Variants in RANGAP1 observed in about 807,000 individuals in gnomAD.
The protein encoded by RANGAP1 is ran GTPase-activating protein 1.
RANGAP1 carries 38 observed loss-of-function variants against 63.5 expected under a neutral mutation model. The ratio of observed to expected loss-of-function variants is 0.60; its 90% CI spans 0.46 to 0.78. The LOEUF is 0.78. Among genes scored for constraint, RANGAP1 ranks in the 30% least tolerant of loss-of-function variants. The pLI is 0.00. For missense variants in RANGAP1, 630 were observed against 740.3 expected (o/e 0.85, Z 1.73); for synonymous variants, 329 against 310.5 (o/e 1.06, Z -0.63).
Position 41,257,852 on chromosome 22 carries a change from A to C in RANGAP1, c.774+96T>G. 19 of 1,393,812 alleles carry C rather than the reference A, an allele frequency of 1.4e-5. No individual in the cohort carries two copies. The South Asian group carries it at 2.6e-4, about 19-fold the overall frequency. The allele number at this position is 1,393,812 out of a possible 1,614,324, so 86.3% of individuals were successfully genotyped here. Reference sequence around the variant, plus strand: ...CACCCAGGGGGCAGGCAGGGGGTAGAGGAGTCCCTGCTAAACGGAGCCCCA... The same window carrying C: ...CACCCAGGGGGCAGGCAGGGGGTAGCGGAGTCCCTGCTAAACGGAGCCCCA... On this transcript the variant is annotated intron_variant, in intron 7 of 15. Coordinates refer to ENST00000356244, the MANE Select transcript of RANGAP1 (RefSeq NM_002883.4). This position sits in a 1 kb window ranked among gnomAD's most constrained non-coding sequence, Gnocchi z 4.0.
At chr22:41,285,428 G>C in intron 1 of RANGAP1, 1 of 870,080 alleles carries the variant, frequency 1.1e-6, no homozygotes, top group Non-Finnish European at 1.4e-6. Flanking sequence ...CAAAGGATCA[G>C]CGCCAGAGCA....
upstream of RANGAP1, among the ~76,000 whole-genome samples, chr22:41,286,747 G>T (rs1402289316): frequency 6.6e-6 from 1 of 152,184 alleles, no homozygotes; most frequent in African/African-American, 2.4e-5. Flanking sequence ...CACTTGAACG[G>T]CCACGTTAAC....
chr22:41,257,963 G>C lies in RANGAP1; in HGVS notation c.759C>G (p.Ala253=), dbSNP rs768060599. The C allele has an allele frequency of 1.2e-6, 2 of 1,607,754 alleles. No individual in the cohort carries two copies. Among genetic ancestry groups the C allele is most frequent in the Admixed American group, 1.7e-5 (1 of 59,630 alleles). ...CTCGCCTCACCTCGGCCATGGCCAC[G>C]GCGCCCTTCTCAGTGAAGGTGTTGT... is the stretch of plus-strand genomic sequence containing the variant. ...LNDNTFTEKG[A]VAMAETLKTL... Residue 253 remains alanine (A), a synonymous_variant, in exon 7 of 16, where the codon GCC becomes GCG. Transcript: ENST00000356244. The surrounding 1 kb of genome is among the most constrained non-coding windows in gnomAD (Gnocchi z 4.0).
chr22:41,256,589 C>A, intron 8 of RANGAP1, 122 bp downstream of exon 8: 1 of 828,502 alleles, frequency 1.2e-6, no homozygotes, highest in Non-Finnish European at 1.9e-6. Flanking sequence ...TCACAGGGCC[C>A]GAAGTGGAGG....
At position 41,274,584 on chromosome 22, in the gene RANGAP1, G is replaced by A. The variant is rs764858137; in HGVS notation, c.240+16C>T. On this transcript the variant is annotated intron_variant, in intron 3 of 15. Transcript: ENST00000356244. ...TGTTCAAACCAGCCTGGGCCTACTC[G>A]CCCCACTCTGCTCACCTTCAACTCC... The A allele has an allele frequency of 2.2e-5, 35 of 1,613,712 alleles. No individual in the cohort carries two copies. Among genetic ancestry groups the A allele is most frequent in the Admixed American group, 1.7e-4 (10 of 60,000 alleles).
At chr22:41,277,314 G>A (rs943609736) in intron 2 of RANGAP1, among the ~76,000 whole-genome samples, 20 of 152,016 alleles carry the variant, frequency 1.3e-4, no homozygotes, top group Non-Finnish European at 2.4e-4. Context: ...TCCTGACCTC[G>A]TGATCCGCCC....
chr22:41,276,847 G>A (rs2145826926), intron 2 of RANGAP1, among the ~76,000 whole-genome samples: 1 of 151,724 alleles, frequency 6.6e-6, no homozygotes, highest in Middle Eastern at 3.4e-3. Flanking sequence ...GTTGGGCATG[G>A]TAGCGCATGC....
At chr22:41,251,199 C>A in intron 12 of RANGAP1, 90 bp from the exon 13 acceptor site, 2 of 997,342 alleles carry the variant, frequency 2.0e-6, no homozygotes, top group Non-Finnish European at 3.1e-6. Flanking sequence ...CTGGGCAGTA[C>A]AAAGGCCCCT....
At position 41,279,970 on chromosome 22, in the gene RANGAP1, C is replaced by T. The variant is rs370174441; in HGVS notation, c.112+963G>A. 2.0e-4 allele frequency among the ~76,000 whole-genome samples: 30 copies of T among 150,284 alleles called. No individual in the cohort carries two copies. In the East Asian group the frequency reaches 4.0e-3, roughly 20 times the overall value. On this transcript the variant is annotated intron_variant, in intron 2 of 15. Coordinates refer to ENST00000356244, the MANE Select transcript of RANGAP1 (RefSeq NM_002883.4). ...AAAATTAGCCGGGTGTGGTGGTGGG[C>T]GCCTGTAATCCCAGCTACTCAGGAG...
chr22:41,281,626 G>A (rs560772189), intron 1 of RANGAP1: 28 of 986,720 alleles, frequency 2.8e-5, no homozygotes, highest in East Asian at 1.1e-4. Context: ...GGTTTCAACC[G>A]TGGCCGGGAG....
intron 3 of RANGAP1, among the ~76,000 whole-genome samples, chr22:41,269,640 AT>A (rs774464738): frequency 2.0e-5 from 3 of 151,084 alleles, no homozygotes; most frequent in Non-Finnish European, 4.4e-5. Context: ...GAGGCCACTC[AT>A]TTCAGCAAGA....
intron 8 of RANGAP1, 63 bp from the exon 9 acceptor site, chr22:41,256,353 C>G (rs1601612713): frequency 1.3e-6 from 2 of 1,512,996 alleles, no homozygotes; most frequent in South Asian, 2.3e-5. Context: ...AGGTTCTACT[C>G]TAAGCCTCAG....
intron 6 of RANGAP1, among the ~76,000 whole-genome samples, chr22:41,258,634 C>T (rs1466133701): frequency 6.6e-6 from 1 of 152,178 alleles, no homozygotes; most frequent in Non-Finnish European, 1.5e-5. Context: ...TCTCTGCCTC[C>T]TTATTTTCTT....
intron 5 of RANGAP1, among the ~76,000 whole-genome samples, chr22:41,262,946 G>C (rs948960757): frequency 6.6e-6 from 1 of 152,162 alleles, no homozygotes; most frequent in Non-Finnish European, 1.5e-5. Context: ...AGAAGAAAAA[G>C]ATTCCAAAGG....
intron 5 of RANGAP1, among the ~76,000 whole-genome samples, chr22:41,262,967 C>T (rs1441931672): frequency 6.6e-6 from 1 of 152,222 alleles, no homozygotes; most frequent in East Asian, 1.9e-4. Flanking sequence ...ACCTGCAGGC[C>T]TTGGTTAGAC....
Position 41,280,866 on chromosome 22 carries a change from C to T in RANGAP1, c.112+67G>A, listed in dbSNP as rs2035456049. 11 of 1,604,186 alleles carry T rather than the reference C, an allele frequency of 6.9e-6. No individual in the cohort carries two copies. In the Admixed American group the frequency reaches 1.3e-4, roughly 20 times the overall value. On this transcript the variant is annotated intron_variant, in intron 2 of 15. Transcript: ENST00000356244. Reference sequence around the variant, plus strand: ...AATGTAGCAGAAAGAGCCTGACAACCAGTAAGAGTTCAGTACACTCCCTCT... The same window carrying T: ...AATGTAGCAGAAAGAGCCTGACAACTAGTAAGAGTTCAGTACACTCCCTCT...
chr22:41,257,092 T>C lies in RANGAP1; in HGVS notation c.775-268A>G, dbSNP rs1209279760. 6.6e-6 allele frequency among the ~76,000 whole-genome samples: 1 copy of C among 152,102 alleles called. No individual in the cohort carries two copies. Among genetic ancestry groups the C allele is most frequent in the Non-Finnish European group, 1.5e-5 (1 of 68,022 alleles). The stretch of plus-strand genomic sequence containing the variant: ...GCATCCGGGTCTTCCACACGTAAGC[T>C]GATCCCTCTGCCTGAAACACCCATC... On this transcript the variant is annotated intron_variant, in intron 7 of 15. Coordinates refer to ENST00000356244, the MANE Select transcript of RANGAP1 (RefSeq NM_002883.4). The surrounding 1 kb of genome is among the most constrained non-coding windows in gnomAD (Gnocchi z 4.0).
At chr22:41,254,610 G>C in intron 10 of RANGAP1, 116 bp from the exon 11 acceptor site, 1 of 1,484,488 alleles carries the variant, frequency 6.7e-7, no homozygotes, top group East Asian at 2.4e-5. Flanking sequence ...AGAGCCTGGT[G>C]GGGTGGGAGC....
rs749110850 is a variant in RANGAP1 at position 41,264,671 on chromosome 22, C to T, written c.473G>A (p.Gly158Asp). 6.2e-7 allele frequency: 1 copy of T among 1,610,332 alleles called. No homozygotes were observed. Among genetic ancestry groups the T allele is most frequent in the East Asian group, 2.2e-5 (1 of 44,746 alleles). Residue 158 changes from glycine to aspartate, a missense_variant, in exon 5 of 16, where the codon GGC becomes GAC. By Grantham distance (94) the Gly-to-Asp change is moderately conservative. Coordinates refer to ENST00000356244, the MANE Select transcript of RANGAP1 (RefSeq NM_002883.4). The part of the protein sequence containing the change: ...KLNNCGMGIG[G>D]GKILAAALTE... ...GGGGGCTGCCACACCCACCTTGCCG[C>T]CGCCAATGCCCATGCCACAGTTGTT... is the stretch of plus-strand genomic sequence containing the variant.
Sources: gnomAD v4.1 joint callset for allele counts (sites outside exome capture counted in the v4.1 genomes callset) on GRCh38, gnomAD v4.1.1 for gene constraint, Gnocchi (gnomAD v3.1) non-coding constraint, MANE v1.5 for transcripts, NCBI Gene and HGNC (gene_info 2026-07-23, HGNC 2026-07-21) for gene names.